The following LOXHD1 variants were observed in gnomAD, a reference collection of about 807,000 sequenced individuals.
The protein encoded by LOXHD1 is lipoxygenase homology PLAT domains 1.
A neutral mutation model predicts 248.2 loss-of-function variants in LOXHD1; 205 were observed. The observed-to-expected ratio is 0.83, with a 90% CI of 0.74 to 0.93. The LOEUF (loss-of-function observed/expected upper bound fraction) is 0.93, where lower values mean the gene tolerates loss of function less well. Among genes scored for constraint, LOXHD1 ranks in the 40% least tolerant of loss-of-function variants. LOXHD1 has a pLI of 0.00. For missense variants in LOXHD1, 2,930 were observed against 2,971.6 expected (o/e 0.99, Z 0.33); for synonymous variants, 1,113 against 1,162.8 (o/e 0.96, Z 0.87).
intron 22 of LOXHD1, 132 bp downstream of exon 22, chr18:46,546,763 G>A: frequency 6.0e-6 from 6 of 1,008,036 alleles, no homozygotes; most frequent in Non-Finnish European, 8.6e-6. Flanking sequence ...GAATGAGAGG[G>A]CAATACAATA....
rs988613821 is a variant in LOXHD1, at chr18:46,560,294, G to A, written c.2850C>T (p.Asp950=). The part of the protein sequence containing the change: ...KKKRKGSDEE[D]EGEEEESSSS... ...AGGACGACTCCTCTTCCTCCCCCTCGTCCTCTTCGTCGCTGCCCTTCCTCT... is the reference window on the plus strand; with the variant it reads ...AGGACGACTCCTCTTCCTCCCCCTCATCCTCTTCGTCGCTGCCCTTCCTCT... The change falls in exon 19 of 41, where the codon GAC becomes GAT. Residue 950 remains aspartate (D), a synonymous_variant. Transcript: ENST00000642948. 13 of 1,549,772 alleles carry A rather than the reference G, an allele frequency of 8.4e-6. No individual in the cohort carries two copies. The highest frequency in any genetic ancestry group is 3.9e-5 in the Admixed American group (2 of 50,924).
intron 20 of LOXHD1, 148 bp downstream of exon 20, chr18:46,559,300 C>T: frequency 1.3e-6 from 2 of 1,543,670 alleles, no homozygotes; most frequent in Non-Finnish European, 1.7e-6. Context: ...ATCAGTGTTA[C>T]TGAAGAGGTA....
chr18:46,514,910 C>T (rs552603925), intron 34 of LOXHD1, among the ~76,000 whole-genome samples: 11 of 152,204 alleles, frequency 7.2e-5, no homozygotes, highest in Non-Finnish European at 1.0e-4. Context: ...GGACACCAAT[C>T]GCCTCAAATC....
At chr18:46,492,762 C>A (rs1218523410) in intron 37 of LOXHD1, among the ~76,000 whole-genome samples, 1 of 152,164 alleles carries the variant, frequency 6.6e-6, no homozygotes, top group Non-Finnish European at 1.5e-5. Flanking sequence ...TACTCAGAGA[C>A]AAACTATATC....
Position 46,477,842 on chromosome 18 carries a change from A to C in LOXHD1, c.6452T>G (p.Leu2151Arg), listed in dbSNP as rs1440842456. 6.4e-7 allele frequency: 1 copy of C among 1,551,826 alleles called. No individual in the cohort carries two copies. Among genetic ancestry groups the C allele is most frequent in the South Asian group, 1.2e-5 (1 of 84,060 alleles). The stretch of plus-strand genomic sequence containing the variant: ...GATGACTTCGTACTTGACGGGCACC[A>C]GGCTCTGGACCTTGCTGGCAAAGCT... Reference protein sequence around the residue: ...TESFASKVQSLVPVKYEVIVT... With the variant: ...TESFASKVQSRVPVKYEVIVT... The change falls in exon 41 of 41, where the codon CTG (leucine) becomes CGG (arginine). Residue 2151 changes from leucine (L) to arginine (R), a missense_variant. Physicochemically the swap from Leu to Arg is moderately radical, Grantham distance 102. Transcript: ENST00000642948.
At chr18:46,613,477 T>C (rs922000366) in intron 5 of LOXHD1, among the ~76,000 whole-genome samples, 2 of 152,162 alleles carry the variant, frequency 1.3e-5, no homozygotes, top group Non-Finnish European at 2.9e-5. Flanking sequence ...CTGGATTTTG[T>C]AGATGATCAT....
At chr18:46,560,791 C>T (rs1418559952) in intron 18 of LOXHD1, among the ~76,000 whole-genome samples, 2 of 152,304 alleles carry the variant, frequency 1.3e-5, no homozygotes, top group Middle Eastern at 3.4e-3. Context: ...TCTGTGTGGG[C>T]AAGCTGGTCT....
At chr18:46,642,196 C>A (rs2038971679) in intron 2 of LOXHD1, among the ~76,000 whole-genome samples, 160 bp from the exon 3 acceptor site, 2 of 152,218 alleles carry the variant, frequency 1.3e-5, no homozygotes, top group African/African-American at 4.8e-5. Flanking sequence ...GACATGGTTC[C>A]CAGGGGAGGG....
chr18:46,526,708 T>C (rs2035847045), intron 29 of LOXHD1, among the ~76,000 whole-genome samples: 1 of 152,058 alleles, frequency 6.6e-6, no homozygotes, highest in African/African-American at 2.4e-5. Context: ...GACTGGTCAG[T>C]TTTGGACAGG....
At chr18:46,566,866 G>A (rs754236953) in intron 16 of LOXHD1, among the ~76,000 whole-genome samples, 1 of 152,240 alleles carries the variant, frequency 6.6e-6, no homozygotes, top group Non-Finnish European at 1.5e-5. Flanking sequence ...ATACACAGTT[G>A]TATATATTTC....
chr18:46,567,661 A>T (rs1033192997), intron 16 of LOXHD1, among the ~76,000 whole-genome samples: 1 of 152,268 alleles, frequency 6.6e-6, no homozygotes, highest in African/African-American at 2.4e-5. Flanking sequence ...CTAATTGTTC[A>T]GTAGCATTTA....
chr18:46,589,653 G>T (rs559982219), intron 12 of LOXHD1, among the ~76,000 whole-genome samples: 3 of 152,236 alleles, frequency 2.0e-5, no homozygotes, highest in Non-Finnish European at 4.4e-5. Context: ...ACTTCAGGTA[G>T]TTTTGATATA....
rs2036414366 is a variant in LOXHD1, at chr18:46,538,443, TGGGGAACTGCTGCCC to T, written c.3914-121_3914-107del. On this transcript the variant is annotated intron_variant, in intron 25 of 40. Coordinates refer to ENST00000642948, the MANE Select transcript of LOXHD1 (RefSeq NM_001384474.1). ...GCACAACCAGCCCAGACCCTTGCAC[TGGGGAACTGCTGCCC>T]GGGGAACTGCTGCTCAGGGACCTGG... 7 of 1,139,060 alleles carry T rather than the reference TGGGGAACTGCTGCCC, an allele frequency of 6.1e-6. No homozygotes were observed. In the East Asian group the frequency reaches 1.0e-4, roughly 17 times the overall value. 70.6% of individuals were successfully genotyped at this position (1,139,060 alleles called of 1,614,324 possible). A position where few individuals can be genotyped will look rare whatever the true frequency, so the allele number is the denominator to read the frequency against.
At chr18:46,605,359 T>A (rs1228755447) in intron 6 of LOXHD1, among the ~76,000 whole-genome samples, 3 of 151,962 alleles carry the variant, frequency 2.0e-5, no homozygotes, top group African/African-American at 7.3e-5. Context: ...ACCCCATCTC[T>A]ACTAAAAATA....
chr18:46,636,905 G>A (rs2038899816), intron 4 of LOXHD1, among the ~76,000 whole-genome samples: 2 of 152,164 alleles, frequency 1.3e-5, no homozygotes. Context: ...CAGCACTTTG[G>A]GAGGCAGAGG....
rs765602186 is a variant in LOXHD1 at position 46,477,636 on chromosome 18, G to T, written c.6658C>A (p.Arg2220Ser). ...TLELGELRKV[R>S]LEHDSSGYCS... The stretch of plus-strand genomic sequence containing the variant: ...TAGCCACTGCTGTCGTGCTCCAGGC[G>T]CACCTTGCGCAGCTCACCCAGCTCC... Residue 2220 changes from arginine (R) to serine (S), a missense_variant, in exon 41 of 41, where the codon CGC (arginine) becomes AGC (serine). Physicochemically the swap from Arg to Ser is moderately radical, Grantham distance 110. Coordinates refer to ENST00000642948, the MANE Select transcript of LOXHD1 (RefSeq NM_001384474.1). The T allele has an allele frequency of 6.4e-7, 1 of 1,551,736 alleles. No homozygotes were observed. The highest frequency in any genetic ancestry group is 8.7e-7 in the Non-Finnish European group (1 of 1,147,034).
chr18:46,541,898 G>T lies in LOXHD1; in HGVS notation c.3791C>A (p.Ala1264Asp). Residue 1264 changes from alanine to aspartate, a missense_variant, in exon 25 of 41, where the codon GCC (alanine) becomes GAC (aspartate). Transcript: ENST00000642948. Reference protein sequence around the residue: ...GWFVDWVEVDAPSLGKCMTFP... With the variant: ...GWFVDWVEVDDPSLGKCMTFP... Reference sequence around the variant, plus strand: ...CGTCATGCACTTCCCAAGAGATGGGGCATCCACCTCTACCCAGTCTACAAA... The same window carrying T: ...CGTCATGCACTTCCCAAGAGATGGGTCATCCACCTCTACCCAGTCTACAAA... 1.9e-6 allele frequency: 3 copies of T among 1,551,674 alleles called. No individual in the cohort carries two copies. The highest frequency in any genetic ancestry group is 2.6e-6 in the Non-Finnish European group (3 of 1,146,988).
intron 4 of LOXHD1, among the ~76,000 whole-genome samples, chr18:46,631,094 TTACCAACGTTCA>T (rs1470124501): frequency 7.9e-5 from 12 of 152,114 alleles, no homozygotes; most frequent in African/African-American, 2.9e-4. Flanking sequence ...AACCTGTTCC[TTACCAACGTTCA>T]TACAAGCCCC....
rs1229715517 is a variant in LOXHD1, at chr18:46,521,184, G to A, written c.5184C>T (p.Asn1728=). The A allele has an allele frequency of 1.3e-6, 2 of 1,551,780 alleles. No homozygotes were observed. Among genetic ancestry groups the A allele is most frequent in the South Asian group, 2.4e-5 (2 of 84,066 alleles). Residue 1728 remains asparagine, a synonymous_variant, in exon 33 of 41, where the codon AAC becomes AAT. Transcript: ENST00000642948. ...TQGTKYMLNC[N]CWLAKDRGDG... is the part of the protein sequence containing the mutation. ...CGCCTCTGTCCTTGGCCAGCCAGCA[G>A]TTACAGTTCAACATGTACTTGGTGC...
Sources: allele counts gnomAD v4.1 joint callset (sites outside exome capture counted in the v4.1 genomes callset), GRCh38; gene constraint gnomAD v4.1.1; transcripts MANE v1.5; gene names NCBI Gene and HGNC (gene_info 2026-07-23, HGNC 2026-07-21).